RIMS1: variants seen among roughly 807,000 people sequenced by gnomAD.
RIMS1 encodes the protein regulating synaptic membrane exocytosis protein 1.
In RIMS1, 83 loss-of-function variants were observed where a neutral mutation model predicts 214.1. That is an observed-to-expected ratio of 0.39 (90% CI 0.32 to 0.47). The LOEUF is 0.47. Ranked by LOEUF, RIMS1 falls within the 20% of genes least tolerant of loss-of-function variation. The pLI, the probability that RIMS1 is intolerant of heterozygous loss-of-function variation, is 0.99. For missense variants in RIMS1, 2,050 were observed against 2,161.8 expected (o/e 0.95, Z 1.03); for synonymous variants, 793 against 786.8 (o/e 1.01, Z -0.13).
At chr6:72,148,012 C>A (rs2042978742) in intron 4 of RIMS1, among the ~76,000 whole-genome samples, 1 of 152,176 alleles carries the variant, frequency 6.6e-6, no homozygotes. Context: ...GGGAAACAGA[C>A]AAAGAGGTTA....
intron 19 of RIMS1, chr6:72,263,886 G>T (rs971936571): frequency 8.2e-6 from 3 of 363,778 alleles, no homozygotes; most frequent in Non-Finnish European, 1.1e-5. Flanking sequence ...CCAGCTACTT[G>T]GGAGGCTGAG....
rs2153804147 is a variant in RIMS1 at position 72,097,010 on chromosome 6, C to T, written c.307C>T (p.Arg103Trp). The T allele has an allele frequency of 1.9e-6, 3 of 1,613,864 alleles. No individual in the cohort carries two copies. The highest frequency in any genetic ancestry group is 2.5e-6 in the Non-Finnish European group (3 of 1,179,858). ...EQVRKIGEEA[R>W]RYQGEHKDDA... ...AGTGAGAAAAATAGGGGAAGAAGCG[C>T]GGCGTTACCAGGGCGAGCACAAAGA... Residue 103 changes from arginine to tryptophan, a missense_variant, in exon 3 of 34, where the codon CGG becomes TGG. Transcript: ENST00000521978.
At chr6:71,921,044 G>A (rs924789874) in intron 1 of RIMS1, among the ~76,000 whole-genome samples, 3 of 152,176 alleles carry the variant, frequency 2.0e-5, no homozygotes, top group Admixed American at 6.5e-5. Flanking sequence ...TCTGTGCAGC[G>A]GAGGCAGACA....
chr6:72,307,121 G>T, intron 26 of RIMS1, 137 bp from the exon 27 acceptor site: 2 of 614,734 alleles, frequency 3.3e-6, no homozygotes, highest in South Asian at 2.3e-5. Context: ...CTGCATTTTT[G>T]TTTAATTTAT....
intron 26 of RIMS1, among the ~76,000 whole-genome samples, chr6:72,303,484 G>GT (rs2094841081): frequency 6.6e-6 from 1 of 151,108 alleles, no homozygotes; most frequent in Non-Finnish European, 1.5e-5. Context: ...TTTGAAAATT[G>GT]TAATAATTAC....
intron 29 of RIMS1, among the ~76,000 whole-genome samples, chr6:72,376,087 C>A (rs1028010041): frequency 2.6e-5 from 4 of 152,164 alleles, no homozygotes; most frequent in African/African-American, 9.7e-5. Context: ...CTGACCCTAG[C>A]ACCCCAATTT....
At chr6:72,236,063 A>G (rs2063899936) in intron 8 of RIMS1, among the ~76,000 whole-genome samples, 1 of 152,120 alleles carries the variant, frequency 6.6e-6, no homozygotes, top group Non-Finnish European at 1.5e-5. Context: ...TTAAAAATTA[A>G]TGTACTTAAT....
At position 72,265,458 on chromosome 6, in the gene RIMS1, GCTTTAA is replaced by G; in HGVS notation, c.3266_3271del (p.Phe1089_Asn1090del). 1 of 1,608,938 alleles carries G rather than the reference GCTTTAA, an allele frequency of 6.2e-7. No individual in the cohort carries two copies. Among genetic ancestry groups the G allele is most frequent in the Non-Finnish European group, 8.5e-7 (1 of 1,176,126 alleles). On this transcript the variant is annotated inframe_deletion, in exon 21 of 34. Coordinates refer to ENST00000521978, the MANE Select transcript of RIMS1 (RefSeq NM_014989.7). ...CAGGACATTTCCCTTCATCATGAATGCTTTAACTCAACAGTATTGAGATTTACTGAT... is the reference window on the plus strand; with the variant it reads ...CAGGACATTTCCCTTCATCATGAATGCTCAACAGTATTGAGATTTACTGAT...
At chr6:72,048,121 T>C (rs1823580460) in intron 2 of RIMS1, among the ~76,000 whole-genome samples, 2 of 152,126 alleles carry the variant, frequency 1.3e-5, no homozygotes, top group Non-Finnish European at 2.9e-5. Flanking sequence ...AAATGCAATG[T>C]TTTTAAGTAC....
intron 6 of RIMS1, among the ~76,000 whole-genome samples, chr6:72,186,661 T>C (rs1367220267): frequency 1.3e-5 from 2 of 152,224 alleles, no homozygotes; most frequent in African/African-American, 2.4e-5. Flanking sequence ...GGGGGACTGT[T>C]TGCAGTTTTT....
At chr6:71,918,179 G>A (rs939668595) in intron 1 of RIMS1, among the ~76,000 whole-genome samples, 1 of 152,094 alleles carries the variant, frequency 6.6e-6, no homozygotes, top group African/African-American at 2.4e-5. Context: ...AAGAAGAGAG[G>A]AGAGGTGAAG....
intron 16 of RIMS1, among the ~76,000 whole-genome samples, chr6:72,257,074 T>C (rs952330911): frequency 6.6e-6 from 1 of 152,096 alleles, no homozygotes; most frequent in African/African-American, 2.4e-5. Context: ...AATCATGATG[T>C]TTCATAACAT....
At chr6:72,284,304 G>C (rs940315177) in intron 24 of RIMS1, among the ~76,000 whole-genome samples, 186 bp downstream of exon 24, 2 of 152,140 alleles carry the variant, frequency 1.3e-5, no homozygotes, top group African/African-American at 4.8e-5. Flanking sequence ...ATAATTTCAA[G>C]GCGGTTCTTA....
intron 29 of RIMS1, among the ~76,000 whole-genome samples, chr6:72,343,067 A>G (rs1217659299): frequency 1.3e-5 from 2 of 151,816 alleles, no homozygotes; most frequent in African/African-American, 4.8e-5. Context: ...AGTTTGGATA[A>G]TGCAAGTCAT....
At chr6:72,361,229 C>A (rs1302681742) in intron 29 of RIMS1, among the ~76,000 whole-genome samples, 1 of 150,758 alleles carries the variant, frequency 6.6e-6, no homozygotes, top group East Asian at 2.0e-4. Flanking sequence ...CCTCAGCCTC[C>A]CAAGTAGCTG....
intron 24 of RIMS1, among the ~76,000 whole-genome samples, chr6:72,287,886 C>T (rs1446487865): frequency 6.6e-6 from 1 of 152,132 alleles, no homozygotes; most frequent in Non-Finnish European, 1.5e-5. Context: ...GGCCGCAAAC[C>T]TCATTTTTTA....
At chr6:72,147,303 G>C (rs77007084) in intron 4 of RIMS1, among the ~76,000 whole-genome samples, 303 of 152,256 alleles carry the variant, frequency 2.0e-3, no homozygotes, top group Middle Eastern at 6.8e-3. Context: ...ACTACACAGA[G>C]AGACAGAAAA....
chr6:72,225,752 C>T lies in RIMS1; in HGVS notation c.1679-8021C>T, dbSNP rs540510043. On this transcript the variant is annotated intron_variant, in intron 6 of 33. Transcript: ENST00000521978. ...GGAAGCCTGGTCAGTTGGAAAGTTG[C>T]AGTAAAATATTTCCTTCTGCTGTAC... is the stretch of plus-strand genomic sequence containing the variant. 3.9e-5 allele frequency among the ~76,000 whole-genome samples: 6 copies of T among 152,300 alleles called. No individual in the cohort carries two copies. The South Asian group carries it at 1.2e-3, about 32-fold the overall frequency.
intron 27 of RIMS1, among the ~76,000 whole-genome samples, chr6:72,311,218 G>C (rs1338826830): frequency 6.6e-6 from 1 of 152,174 alleles, no homozygotes; most frequent in Non-Finnish European, 1.5e-5. Flanking sequence ...TACATTTGGA[G>C]ACAATAATTA....
Sources: allele counts gnomAD v4.1 joint callset (sites outside exome capture counted in the v4.1 genomes callset), GRCh38; gene constraint gnomAD v4.1.1; transcripts MANE v1.5; gene names NCBI Gene and HGNC (gene_info 2026-07-23, HGNC 2026-07-21).